NRXN3: variants seen among roughly 807,000 people sequenced by gnomAD.
NRXN3 encodes the protein neurexin 3.
NRXN3 carries 32 observed loss-of-function variants against 137.6 expected under a neutral mutation model. The ratio of observed to expected loss-of-function variants is 0.23; its 90% CI spans 0.18 to 0.31. The LOEUF is 0.31. Ranked by LOEUF, NRXN3 falls within the 10% of genes least tolerant of loss-of-function variation. The probability of loss-of-function intolerance (pLI) is 1.00; values close to 1 mark genes in which losing one functional copy is unlikely to be tolerated. For missense variants in NRXN3, 1,574 were observed against 2,062.5 expected (o/e 0.76, Z 4.59); for synonymous variants, 798 against 784.5 (o/e 1.02, Z -0.29).
intron 6 of NRXN3, among the ~76,000 whole-genome samples, chr14:78,697,488 C>A (rs937205949): frequency 1.3e-4 from 20 of 151,932 alleles, no homozygotes; most frequent in African/African-American, 4.8e-4. Context: ...GAAAATCTAT[C>A]TTTAAATGTG....
intron 16 of NRXN3, among the ~76,000 whole-genome samples, chr14:79,613,845 A>G (rs2098128767): frequency 6.6e-6 from 1 of 152,236 alleles, no homozygotes; most frequent in South Asian, 2.1e-4. Context: ...ACACTAAACC[A>G]CGGCTGAAAT....
At chr14:79,187,745 C>T (rs78363551) in intron 15 of NRXN3, among the ~76,000 whole-genome samples, 2,693 of 152,266 alleles carry the variant, frequency 0.018, 75 homozygotes, top group African/African-American at 0.061. Context: ...CTAGATTTTA[C>T]GGGTGATTAC....
At chr14:79,160,704 T>C (rs910502533) in intron 15 of NRXN3, among the ~76,000 whole-genome samples, 1 of 151,870 alleles carries the variant, frequency 6.6e-6, no homozygotes, top group Non-Finnish European at 1.5e-5. Context: ...AATTTACTGC[T>C]TTTAACCTGA....
intron 19 of NRXN3, among the ~76,000 whole-genome samples, chr14:79,763,581 G>A (rs1196316518): frequency 6.6e-6 from 1 of 151,580 alleles, no homozygotes; most frequent in African/African-American, 2.4e-5. Flanking sequence ...ATAAACAACA[G>A]AAATGTATTT....
intron 4 of NRXN3, among the ~76,000 whole-genome samples, chr14:78,517,363 C>T (rs7160454): frequency 0.68 from 103,723 of 151,938 alleles, 35,599 homozygotes; most frequent in East Asian, 0.72. Flanking sequence ...TAATTCTGCC[C>T]TTGCCTAGTA....
chr14:78,330,084 C>T (rs553114467), intron 4 of NRXN3, among the ~76,000 whole-genome samples: 36 of 152,166 alleles, frequency 2.4e-4, no homozygotes, highest in African/African-American at 8.4e-4. Flanking sequence ...TTTCTTTATA[C>T]GGTAGGGTGG....
intron 4 of NRXN3, among the ~76,000 whole-genome samples, chr14:78,461,156 A>G (rs1358580651): frequency 1.3e-5 from 2 of 151,972 alleles, no homozygotes; most frequent in Non-Finnish European, 2.9e-5. Context: ...TCCTGGTACA[A>G]CTCTTGTGAG....
At chr14:78,738,514 G>A (rs2098550801) in intron 8 of NRXN3, among the ~76,000 whole-genome samples, 1 of 152,030 alleles carries the variant, frequency 6.6e-6, no homozygotes, top group African/African-American at 2.4e-5. Context: ...TCTGTGTGTT[G>A]CTGCCCATCA....
intron 4 of NRXN3, among the ~76,000 whole-genome samples, chr14:78,366,616 C>T (rs566888469): frequency 9.9e-5 from 15 of 152,158 alleles, no homozygotes; most frequent in South Asian, 2.1e-4. Context: ...CTCACAATTA[C>T]GGTGGAAGGC....
chr14:78,766,738 A>G (rs2152988424), intron 8 of NRXN3, among the ~76,000 whole-genome samples: 1 of 152,336 alleles, frequency 6.6e-6, no homozygotes, highest in East Asian at 1.9e-4. Context: ...AGCAGCATAT[A>G]GTGTCTTGGA....
At position 78,184,745 on chromosome 14, in the gene NRXN3, T is replaced by A. The variant is rs376864667; in HGVS notation, c.-704+14071T>A. 3.9e-5 allele frequency among the ~76,000 whole-genome samples: 6 copies of A among 152,328 alleles called. No homozygotes were observed. The East Asian group carries it at 9.6e-4, about 24-fold the overall frequency. ...GAGATGAGGACCAGGAGTGGCTAGA[T>A]GACTTGTCCAGGGACACACATGTGG... is the stretch of plus-strand genomic sequence containing the variant. On this transcript the variant is annotated intron_variant, in intron 1 of 20. Transcript: ENST00000335750.
intron 16 of NRXN3, among the ~76,000 whole-genome samples, chr14:79,575,353 C>T (rs1747194370): frequency 6.6e-6 from 1 of 151,994 alleles, no homozygotes; most frequent in African/African-American, 2.4e-5. Context: ...GAACTGAAGA[C>T]ATAAACAAAT....
At chr14:79,279,665 C>T (rs1467600535) in intron 15 of NRXN3, 1 of 986,646 alleles carries the variant, frequency 1.0e-6, no homozygotes, top group East Asian at 1.1e-4. Context: ...GGCGGCTGCT[C>T]CGTGGCGCTA....
chr14:79,696,597 A>G (rs1416588920), intron 18 of NRXN3, among the ~76,000 whole-genome samples: 1 of 151,956 alleles, frequency 6.6e-6, no homozygotes, highest in Non-Finnish European at 1.5e-5. Context: ...GCTTGGGAAA[A>G]AAATCTCATA....
intron 4 of NRXN3, among the ~76,000 whole-genome samples, chr14:78,624,071 T>A (rs1263878646): frequency 6.6e-6 from 1 of 152,208 alleles, no homozygotes; most frequent in Non-Finnish European, 1.5e-5. Flanking sequence ...CAGCCCAATG[T>A]AGGATTTTCT....
At chr14:79,685,946 C>A (rs1050328116) in intron 17 of NRXN3, among the ~76,000 whole-genome samples, 1 of 152,100 alleles carries the variant, frequency 6.6e-6, no homozygotes, top group African/African-American at 2.4e-5. Flanking sequence ...ACGTAATACA[C>A]CAGGGTTACA....
At chr14:78,921,526 T>A (rs2099270930) in intron 10 of NRXN3, among the ~76,000 whole-genome samples, 1 of 152,188 alleles carries the variant, frequency 6.6e-6, no homozygotes, top group Non-Finnish European at 1.5e-5. Flanking sequence ...AACACTGAAT[T>A]TCTAATCACC....
chr14:78,606,462 C>T (rs567587997), intron 4 of NRXN3, among the ~76,000 whole-genome samples: 1 of 152,286 alleles, frequency 6.6e-6, no homozygotes, highest in African/African-American at 2.4e-5. Flanking sequence ...GAAAACCTTC[C>T]CTGCCTATCT....
chr14:79,505,804 G>A (rs141463663), intron 16 of NRXN3, among the ~76,000 whole-genome samples: 118 of 152,270 alleles, frequency 7.7e-4, no homozygotes, highest in African/African-American at 2.7e-3. Flanking sequence ...GCTTTTGATT[G>A]CTATGTAACA....
Sources: gnomAD v4.1 joint callset for allele counts (sites outside exome capture counted in the v4.1 genomes callset) on GRCh38, gnomAD v4.1.1 for gene constraint, MANE v1.5 for transcripts, NCBI Gene and HGNC (gene_info 2026-07-23, HGNC 2026-07-21) for gene names.